The following RBFOX1 variants were observed in gnomAD, a reference collection of about 807,000 sequenced individuals.
RBFOX1 encodes the protein RNA binding protein fox-1 homolog 1.
Under a neutral mutation model 57.7 loss-of-function variants are expected in RBFOX1, and 8 were observed. The observed-to-expected ratio is 0.14, with a 90% CI of 0.08 to 0.25. The LOEUF is 0.25. Among genes scored for constraint, RBFOX1 ranks in the 10% least tolerant of loss-of-function variants. RBFOX1 has a pLI of 1.00. For synonymous variants in RBFOX1, 326 were observed against 222.4 expected (o/e 1.47, Z -4.15); for missense variants, 611 against 548.5 (o/e 1.11, Z -1.14).
At chr16:6,648,955 T>C (rs1290094546) in intron 2 of RBFOX1, among the ~76,000 whole-genome samples, 3 of 152,216 alleles carry the variant, frequency 2.0e-5, no homozygotes, top group Admixed American at 2.0e-4. Flanking sequence ...CGTCATTTTT[T>C]TGTGGTTAGA....
At chr16:5,528,656 C>T (rs966963678) in intron 2 of RBFOX1, among the ~76,000 whole-genome samples, 1 of 150,986 alleles carries the variant, frequency 6.6e-6, no homozygotes, top group Non-Finnish European at 1.5e-5. Context: ...TCCCCCCTCC[C>T]CTCCCCTCCT....
intron 2 of RBFOX1, among the ~76,000 whole-genome samples, chr16:6,443,745 A>G (rs1597328054): frequency 6.6e-6 from 1 of 152,146 alleles, no homozygotes; most frequent in South Asian, 2.1e-4. Context: ...CCATCTTTCC[A>G]TCTGTCCATC....
intron 1 of RBFOX1, among the ~76,000 whole-genome samples, chr16:6,177,735 A>G (rs1013974411): frequency 1.3e-5 from 2 of 152,152 alleles, no homozygotes; most frequent in Non-Finnish European, 2.9e-5. Flanking sequence ...CATGAGAGTT[A>G]GAATTACGAA....
intron 1 of RBFOX1, among the ~76,000 whole-genome samples, chr16:6,300,832 T>C (rs1375309091): frequency 1.3e-5 from 2 of 152,198 alleles, no homozygotes; most frequent in Non-Finnish European, 2.9e-5. Flanking sequence ...TCAGTTTTTC[T>C]GCTGGGAATC....
At chr16:6,916,808 T>G (rs1312141025) in intron 3 of RBFOX1, among the ~76,000 whole-genome samples, 3 of 152,076 alleles carry the variant, frequency 2.0e-5, no homozygotes, top group Non-Finnish European at 4.4e-5. Context: ...AACTTCGAAG[T>G]TTGAATTTGT....
chr16:7,201,501 G>A lies in RBFOX1; in HGVS notation c.27+149403G>A, dbSNP rs139221599. ...TTTTTGAGACAGTTTTGCTCTTGTCGCCCAGGCTGGAGTGCAATGGCACAA... is the reference window on the plus strand; with the variant it reads ...TTTTTGAGACAGTTTTGCTCTTGTCACCCAGGCTGGAGTGCAATGGCACAA... On this transcript the variant is annotated intron_variant, in intron 4 of 15. Coordinates refer to ENST00000550418, the MANE Select transcript of RBFOX1 (RefSeq NM_018723.4). 2.7e-3 allele frequency among the ~76,000 whole-genome samples: 395 copies of A among 147,822 alleles called. 2 individuals are homozygous for A. Among genetic ancestry groups the A allele is most frequent in the East Asian group, 4.6e-3 (23 of 4,998 alleles).
intron 3 of RBFOX1, among the ~76,000 whole-genome samples, chr16:5,764,992 T>C (rs970611528): frequency 1.6e-4 from 24 of 152,168 alleles, no homozygotes; most frequent in African/African-American, 5.3e-4. Context: ...CTGCAGGTGC[T>C]AGACCAAGTC....
rs2152884473 is a variant in RBFOX1, at chr16:6,223,055, A to T, written c.-126-93940A>T. 6.0e-5 allele frequency among the ~76,000 whole-genome samples: 9 copies of T among 149,788 alleles called. No homozygotes were observed. In the Middle Eastern group the frequency reaches 0.02, roughly 340 times the overall value. ...TCATCATTTTTTATGGCTGCATAGT[A>T]TTCCATGGTGTATATGTGCCACATT... On this transcript the variant is annotated intron_variant, in intron 1 of 15. Transcript: ENST00000550418.
intron 3 of RBFOX1, among the ~76,000 whole-genome samples, chr16:5,785,241 C>G (rs572767368): frequency 6.6e-6 from 1 of 152,278 alleles, no homozygotes; most frequent in African/African-American, 2.4e-5. Flanking sequence ...AGTGGGATTG[C>G]AGTATGTTCA....
At chr16:6,294,827 T>C (rs1300150047) in intron 1 of RBFOX1, among the ~76,000 whole-genome samples, 1 of 152,212 alleles carries the variant, frequency 6.6e-6, no homozygotes, top group Non-Finnish European at 1.5e-5. Context: ...ACAGAATGCA[T>C]GTAAATAGGA....
intron 3 of RBFOX1, among the ~76,000 whole-genome samples, chr16:7,002,656 G>T (rs1233237117): frequency 1.3e-5 from 2 of 152,204 alleles, no homozygotes; most frequent in Non-Finnish European, 2.9e-5. Context: ...AGGTTGCAGG[G>T]AGCCGAGATT....
At chr16:6,487,716 T>A (rs1391700215) in intron 2 of RBFOX1, among the ~76,000 whole-genome samples, 9 of 11,288 alleles carry the variant, frequency 8.0e-4, no homozygotes, top group African/African-American at 1.8e-3. Flanking sequence ...TATATATATA[T>A]ATATATATAT....
At chr16:7,702,124 C>T (rs547112408) in intron 14 of RBFOX1, among the ~76,000 whole-genome samples, 26 of 152,256 alleles carry the variant, frequency 1.7e-4, no homozygotes, top group South Asian at 1.2e-3. Flanking sequence ...CAAATGGATG[C>T]GCACTGGGAT....
chr16:6,682,223 A>G (rs917817990), intron 3 of RBFOX1, among the ~76,000 whole-genome samples: 1 of 152,196 alleles, frequency 6.6e-6, no homozygotes, highest in Admixed American at 6.5e-5. Flanking sequence ...CGAACAACGC[A>G]ACAGAGTCAG....
At position 7,418,095 on chromosome 16, in the gene RBFOX1, C is replaced by T. The variant is rs559083664; in HGVS notation, c.28-100052C>T. ...CCCTGTCACTCTCTGCCCAACCCTC[C>T]ATTCCTAACCTCACCTCTCCCCCAC... On this transcript the variant is annotated intron_variant, in intron 4 of 15. Coordinates refer to ENST00000550418, the MANE Select transcript of RBFOX1 (RefSeq NM_018723.4). Among the ~76,000 whole-genome samples the T allele has an allele frequency of 8.5e-5, 13 of 152,258 alleles. No individual in the cohort carries two copies. The South Asian group carries it at 2.5e-3, about 29-fold the overall frequency.
chr16:7,175,979 A>G lies in RBFOX1; in HGVS notation c.27+123881A>G, dbSNP rs545139717. Among the ~76,000 whole-genome samples, 5 of 152,186 alleles carry G rather than the reference A, an allele frequency of 3.3e-5. No individual in the cohort carries two copies. In the East Asian group the frequency reaches 7.8e-4, roughly 24 times the overall value. On this transcript the variant is annotated intron_variant, in intron 4 of 15. Transcript: ENST00000550418. ...AAGCTGTAAATGCAGAAACTTAAGTATCTGGGAGGTGCGTGCTTAGCAGCC... is the reference window on the plus strand; with the variant it reads ...AAGCTGTAAATGCAGAAACTTAAGTGTCTGGGAGGTGCGTGCTTAGCAGCC...
chr16:7,463,980 C>T (rs573121972), intron 4 of RBFOX1, among the ~76,000 whole-genome samples: 25 of 152,154 alleles, frequency 1.6e-4, no homozygotes, highest in Admixed American at 1.6e-3. Flanking sequence ...CTGGGTGACT[C>T]AGAAGGAAAG....
At chr16:7,696,847 T>A (rs753744091) in intron 14 of RBFOX1, among the ~76,000 whole-genome samples, 1 of 152,094 alleles carries the variant, frequency 6.6e-6, no homozygotes, top group Admixed American at 6.5e-5. Context: ...GATCTAAATA[T>A]AAAGTGAACG....
chr16:7,487,692 C>A (rs74010520), intron 4 of RBFOX1, among the ~76,000 whole-genome samples: 2 of 152,100 alleles, frequency 1.3e-5, no homozygotes, highest in Non-Finnish European at 2.9e-5. Flanking sequence ...CACACACACA[C>A]ATGCATTCAA....
Sources: allele counts gnomAD v4.1 joint callset (sites outside exome capture counted in the v4.1 genomes callset), GRCh38; gene constraint gnomAD v4.1.1; transcripts MANE v1.5; gene names NCBI Gene and HGNC (gene_info 2026-07-23, HGNC 2026-07-21).